DCDC1: variants seen among roughly 807,000 people sequenced by gnomAD.
The protein encoded by DCDC1 is doublecortin domain-containing protein 1.
Under a neutral mutation model 178.3 loss-of-function variants are expected in DCDC1, and 200 were observed. That is an observed-to-expected ratio of 1.12 (90% CI 1.00 to 1.26). The LOEUF (loss-of-function observed/expected upper bound fraction) is 1.26, where lower values mean the gene tolerates loss of function less well. DCDC1 is among the 50% of genes most tolerant of loss of function. The pLI is 0.00. For missense variants in DCDC1, 1,983 were observed against 1,749.2 expected (o/e 1.13, Z -2.38); for synonymous variants, 690 against 604.8 (o/e 1.14, Z -2.07).
At chr11:30,919,225 G>T (rs1946068995) in intron 25 of DCDC1, among the ~76,000 whole-genome samples, 1 of 152,016 alleles carries the variant, frequency 6.6e-6, no homozygotes, top group African/African-American at 2.4e-5. Flanking sequence ...GAGGTATAGG[G>T]CATAGTACAG....
chr11:31,067,517 G>A (rs79866912), intron 18 of DCDC1, among the ~76,000 whole-genome samples: 2,286 of 152,066 alleles, frequency 0.015, 51 homozygotes, highest in African/African-American at 0.051. Flanking sequence ...CTTTTCATAC[G>A]GCCCAGCAAT....
intron 20 of DCDC1, among the ~76,000 whole-genome samples, chr11:31,019,431 T>G (rs1192052298): frequency 6.6e-6 from 1 of 152,046 alleles, no homozygotes; most frequent in African/African-American, 2.4e-5. Flanking sequence ...GTGAGATAAG[T>G]TCTAAGAAAA....
chr11:31,304,576 T>C (rs1016294188), intron 6 of DCDC1, among the ~76,000 whole-genome samples: 1 of 152,138 alleles, frequency 6.6e-6, no homozygotes, highest in African/African-American at 2.4e-5. Flanking sequence ...GCTTATTTCC[T>C]GAAGATCAAG....
intron 9 of DCDC1, among the ~76,000 whole-genome samples, chr11:31,178,981 G>A (rs1052999608): frequency 2.0e-5 from 3 of 152,136 alleles, no homozygotes; most frequent in East Asian, 1.9e-4. Flanking sequence ...GTGAGCCACC[G>A]CGCCCAGCCA....
intron 36 of DCDC1, among the ~76,000 whole-genome samples, chr11:30,887,665 T>A (rs1396680167): frequency 2.0e-5 from 3 of 152,178 alleles, no homozygotes; most frequent in African/African-American, 7.2e-5. Context: ...AATAAGTATG[T>A]TAAACAGAAG....
At chr11:31,369,173 G>A (rs1181586213) in intron 1 of DCDC1, among the ~76,000 whole-genome samples, 1 of 152,172 alleles carries the variant, frequency 6.6e-6, no homozygotes, top group East Asian at 1.9e-4. Flanking sequence ...CATCTATAAA[G>A]TGGGAATAAT....
chr11:31,314,941 G>T (rs1445625732), intron 3 of DCDC1, among the ~76,000 whole-genome samples: 3 of 152,104 alleles, frequency 2.0e-5, no homozygotes, highest in African/African-American at 4.8e-5. Context: ...TACTCTCTGA[G>T]ATTTTCATTA....
At chr11:31,109,381 A>G (rs931719799) in intron 12 of DCDC1, among the ~76,000 whole-genome samples, 1 of 152,138 alleles carries the variant, frequency 6.6e-6, no homozygotes, top group Non-Finnish European at 1.5e-5. Context: ...GAAAAATCCT[A>G]TGAAGGCCTT....
At chr11:31,335,331 G>A (rs1261094215) in intron 2 of DCDC1, 116 bp downstream of exon 2, 2 of 152,378 alleles carry the variant, frequency 1.3e-5, no homozygotes, top group Middle Eastern at 3.4e-3. Flanking sequence ...GCTAGGAAGG[G>A]GAAATCCCCC....
At chr11:31,172,120 C>T (rs528338291) in intron 9 of DCDC1, among the ~76,000 whole-genome samples, 49 of 152,144 alleles carry the variant, frequency 3.2e-4, no homozygotes, top group Non-Finnish European at 5.6e-4. Flanking sequence ...CTTAGATATG[C>T]CTATACACAA....
chr11:31,281,517 T>C (rs1946429532), intron 7 of DCDC1, among the ~76,000 whole-genome samples: 2 of 152,130 alleles, frequency 1.3e-5, no homozygotes, highest in Non-Finnish European at 2.9e-5. Context: ...GAAATGAGCA[T>C]ATGGCTTTTT....
intron 7 of DCDC1, among the ~76,000 whole-genome samples, chr11:31,283,485 T>A (rs902619749): frequency 3.3e-5 from 5 of 152,170 alleles, no homozygotes; most frequent in South Asian, 2.1e-4. Flanking sequence ...TGTTTTTTTT[T>A]AATACGTGAA....
intron 22 of DCDC1, among the ~76,000 whole-genome samples, chr11:30,926,839 G>T (rs1401140294): frequency 1.3e-5 from 2 of 152,174 alleles, no homozygotes; most frequent in Non-Finnish European, 2.9e-5. Flanking sequence ...GTCCATGCCA[G>T]TAATCCCAGC....
chr11:31,355,697 A>G (rs1951306710), intron 1 of DCDC1, among the ~76,000 whole-genome samples: 1 of 151,896 alleles, frequency 6.6e-6, no homozygotes, highest in African/African-American at 2.4e-5. Context: ...CCTCCTGAGT[A>G]GCTGGGATTA....
At chr11:31,327,731 T>C (rs1168817383) in intron 3 of DCDC1, among the ~76,000 whole-genome samples, 1 of 152,038 alleles carries the variant, frequency 6.6e-6, no homozygotes, top group Non-Finnish European at 1.5e-5. Flanking sequence ...TCACCTGTAC[T>C]CAAACATTTT....
At chr11:31,034,180 T>C (rs1353641480) in intron 20 of DCDC1, among the ~76,000 whole-genome samples, 1 of 151,660 alleles carries the variant, frequency 6.6e-6, no homozygotes, top group Non-Finnish European at 1.5e-5. Flanking sequence ...ATACAAAGTT[T>C]ATACAATAAA....
chr11:31,280,866 T>G, intron 7 of DCDC1: 1 of 635,824 alleles, frequency 1.6e-6, no homozygotes, highest in South Asian at 1.4e-5. Context: ...GCCTGACCTG[T>G]CTTCTGCCCG....
At chr11:30,878,923 C>T (rs1444732326) in intron 37 of DCDC1, among the ~76,000 whole-genome samples, 1 of 152,142 alleles carries the variant, frequency 6.6e-6, no homozygotes, top group Non-Finnish European at 1.5e-5. Context: ...GAGAGGACTT[C>T]TTTCCAGGTT....
At chr11:30,874,496 C>G (rs1941934878) in intron 38 of DCDC1, among the ~76,000 whole-genome samples, 1 of 151,920 alleles carries the variant, frequency 6.6e-6, no homozygotes, top group Non-Finnish European at 1.5e-5. Context: ...GGGAAAAGGC[C>G]AAGAGGCAGG....
Sources: allele counts gnomAD v4.1 joint callset (sites outside exome capture counted in the v4.1 genomes callset), GRCh38; gene constraint gnomAD v4.1.1; transcripts MANE v1.5; gene names NCBI Gene and HGNC (gene_info 2026-07-23, HGNC 2026-07-21).